Variants in NELL1 observed in about 807,000 individuals in gnomAD.
NELL1 encodes the protein neural EGFL like 1, also known as protein kinase C-binding protein NELL1.
In NELL1, 76 loss-of-function variants were observed where a neutral mutation model predicts 107.4. The ratio of observed to expected loss-of-function variants is 0.71; its 90% CI spans 0.59 to 0.86. The LOEUF is 0.86. Ranked by LOEUF, NELL1 falls within the 40% of genes least tolerant of loss-of-function variation. NELL1 has a pLI of 0.00. For synonymous variants in NELL1, 353 were observed against 341.2 expected, an observed-to-expected ratio of 1.03 and a Z score of -0.38; for missense variants, 1,024 against 1,005.5, an observed-to-expected ratio of 1.02 and a Z score of -0.25.
chr11:21,225,262 A>G (rs542456548), intron 13 of NELL1, among the ~76,000 whole-genome samples: 12 of 152,172 alleles, frequency 7.9e-5, no homozygotes, highest in African/African-American at 2.9e-4. Context: ...GGGGAGTGCA[A>G]AGGACTCAGT....
chr11:21,186,642 T>C (rs1202038283), intron 13 of NELL1, among the ~76,000 whole-genome samples: 1 of 151,888 alleles, frequency 6.6e-6, no homozygotes, highest in East Asian at 1.9e-4. Flanking sequence ...AAGGCTAATA[T>C]GTTTGGTCTT....
intron 2 of NELL1, among the ~76,000 whole-genome samples, chr11:20,691,718 C>T (rs11512080): frequency 0.39 from 59,383 of 150,428 alleles, 13,543 homozygotes; most frequent in African/African-American, 0.62. Flanking sequence ...GCATCAATGT[C>T]CATCAAGGAT....
chr11:21,099,371 A>G (rs530829886), intron 12 of NELL1, among the ~76,000 whole-genome samples: 97 of 152,236 alleles, frequency 6.4e-4, no homozygotes, highest in African/African-American at 2.3e-3. Context: ...AGCAGGGAGC[A>G]GCAGTCCATG....
chr11:20,678,178 TG>T, intron 2 of NELL1, 118 bp downstream of exon 2: 1 of 1,164,314 alleles, frequency 8.6e-7, no homozygotes, highest in Non-Finnish European at 1.3e-6. Context: ...CTTGTGTTGC[TG>T]TCTTGAGTGT....
intron 2 of NELL1, among the ~76,000 whole-genome samples, chr11:20,686,284 A>G (rs1854303514): frequency 6.6e-6 from 1 of 152,148 alleles, no homozygotes; most frequent in Admixed American, 6.6e-5. Context: ...AAAGCCTGGT[A>G]GCATTTATTT....
intron 15 of NELL1, among the ~76,000 whole-genome samples, chr11:21,483,272 G>T (rs950701957): frequency 2.6e-5 from 4 of 152,112 alleles, no homozygotes; most frequent in African/African-American, 9.7e-5. Flanking sequence ...CCTAGAGACC[G>T]AATCACTTTA....
At chr11:20,812,308 C>A (rs1857517909) in intron 3 of NELL1, among the ~76,000 whole-genome samples, 1 of 152,010 alleles carries the variant, frequency 6.6e-6, no homozygotes. Context: ...GGTGAAGGAT[C>A]TTTTTTGATG....
chr11:21,290,229 C>T (rs556600190), intron 14 of NELL1, among the ~76,000 whole-genome samples: 28 of 151,848 alleles, frequency 1.8e-4, no homozygotes, highest in Middle Eastern at 6.8e-3. Flanking sequence ...ATTAGCTGGG[C>T]GTGGTGGTGG....
rs530872226 is a variant in NELL1 at position 21,575,073 on chromosome 11, C to T, written c.*51C>T. ...AAGAATGGACGAAATGACCATCCAA[C>T]GTGATTAAGGATAGGAATCGGTAGT... On this transcript the variant is annotated 3_prime_UTR_variant, in exon 20 of 20. Transcript: ENST00000357134. The T allele has an allele frequency of 5.5e-6, 8 of 1,452,304 alleles. No individual in the cohort carries two copies. The highest frequency in any genetic ancestry group is 1.7e-4 in the Middle Eastern group (1 of 5,716). The allele number at this position is 1,452,304 out of a possible 1,614,324, so 90.0% of individuals were successfully genotyped here.
At chr11:21,078,934 C>G (rs1369358686) in intron 12 of NELL1, among the ~76,000 whole-genome samples, 1 of 151,632 alleles carries the variant, frequency 6.6e-6, no homozygotes, top group Non-Finnish European at 1.5e-5. Flanking sequence ...AAAATATTAA[C>G]TATATGGTAT....
chr11:21,522,806 T>A (rs988184236), intron 15 of NELL1, among the ~76,000 whole-genome samples: 2 of 151,746 alleles, frequency 1.3e-5, no homozygotes, highest in Non-Finnish European at 2.9e-5. Flanking sequence ...GCACATTTTC[T>A]TTATCTTGAA....
rs139260027 is a variant in NELL1, at chr11:21,283,793, A to T, written c.1549+54339A>T. On this transcript the variant is annotated intron_variant, in intron 14 of 19. Coordinates refer to ENST00000357134, the MANE Select transcript of NELL1 (RefSeq NM_006157.5). ...CAACTTCATGATTTTGGTATTGAAGATGCTGACAGTAGCCAGTGGCTCTGT... is the reference window on the plus strand; with the variant it reads ...CAACTTCATGATTTTGGTATTGAAGTTGCTGACAGTAGCCAGTGGCTCTGT... The T allele has an allele frequency of 3.6e-3, 689 of 192,464 alleles. 7 individuals carry two copies. Among genetic ancestry groups the T allele is most frequent in the African/African-American group, 0.015 (651 of 42,618 alleles). The allele number at this position is 192,464 out of a possible 1,614,324, so 11.9% of individuals were successfully genotyped here. A position where few individuals can be genotyped will look rare whatever the true frequency, so the allele number is the denominator to read the frequency against.
intron 5 of NELL1, among the ~76,000 whole-genome samples, chr11:20,889,924 C>A (rs1320876404): frequency 6.6e-6 from 1 of 152,172 alleles, no homozygotes; most frequent in Non-Finnish European, 1.5e-5. Context: ...AGCCTCTTGT[C>A]TTGGTAATTC....
chr11:20,910,554 G>A (rs531346367), intron 5 of NELL1, among the ~76,000 whole-genome samples: 4 of 152,230 alleles, frequency 2.6e-5, no homozygotes, highest in Non-Finnish European at 5.9e-5. Context: ...TCCCAGGGGG[G>A]CCGTGCTTAG....
chr11:21,418,224 A>G (rs916387104), intron 15 of NELL1, among the ~76,000 whole-genome samples: 2 of 152,060 alleles, frequency 1.3e-5, no homozygotes, highest in Non-Finnish European at 2.9e-5. Context: ...ATGGTGGTAG[A>G]AGACATGAAG....
intron 14 of NELL1, among the ~76,000 whole-genome samples, chr11:21,341,132 TAA>T (rs1850554412): frequency 3.9e-5 from 6 of 151,992 alleles, no homozygotes; most frequent in African/African-American, 1.4e-4. Context: ...CACTGACTGA[TAA>T]AAAGAAATAT....
At chr11:21,475,165 A>C (rs968135596) in intron 15 of NELL1, among the ~76,000 whole-genome samples, 8 of 152,200 alleles carry the variant, frequency 5.3e-5, no homozygotes, top group Non-Finnish European at 8.8e-5. Context: ...GCCTTATGTT[A>C]ACATTGGTTA....
chr11:21,121,795 A>C (rs557264171), intron 13 of NELL1, among the ~76,000 whole-genome samples: 14 of 152,292 alleles, frequency 9.2e-5, no homozygotes, highest in African/African-American at 2.9e-4. Context: ...ACAGAAAAAA[A>C]TTAAGAGGTC....
intron 14 of NELL1, among the ~76,000 whole-genome samples, chr11:21,370,236 C>T (rs369055902): frequency 1.3e-5 from 2 of 151,940 alleles, no homozygotes; most frequent in Non-Finnish European, 2.9e-5. Flanking sequence ...CCCTTGGGAC[C>T]AGCATTTCCA....
Sources: allele counts gnomAD v4.1 joint callset (sites outside exome capture counted in the v4.1 genomes callset), GRCh38; gene constraint gnomAD v4.1.1; transcripts MANE v1.5; gene names NCBI Gene and HGNC (gene_info 2026-07-23, HGNC 2026-07-21).